Variants in SLC25A37 observed in about 807,000 individuals in gnomAD.
The protein encoded by SLC25A37 is solute carrier family 25 member 37.
Under a neutral mutation model 31.0 loss-of-function variants are expected in SLC25A37, and 17 were observed. The ratio of observed to expected loss-of-function variants is 0.55; its 90% CI spans 0.38 to 0.82. SLC25A37 has a LOEUF of 0.82. SLC25A37 is among the 40% of genes least tolerant of loss of function. The probability of loss-of-function intolerance (pLI) is 0.00; values close to 1 mark genes in which losing one functional copy is unlikely to be tolerated. For synonymous variants in SLC25A37, 222 were observed against 193.0 expected (o/e 1.15, Z -1.24); for missense variants, 404 against 465.8 (o/e 0.87, Z 1.22).
rs547210266 is a variant in SLC25A37 at position 23,529,558 on chromosome 8, A to G, written c.210+346A>G. ...GGACGCGATCGCTGAAGCTCTGCAC[A>G]GTCTTACCACGCTGGCCGTTCGGGC... On this transcript the variant is annotated intron_variant, in intron 1 of 3. Transcript: ENST00000519973. This position sits in a 1 kb window ranked among gnomAD's most constrained non-coding sequence, Gnocchi z 4.1. Among the ~76,000 whole-genome samples the G allele has an allele frequency of 6.1e-4, 93 of 152,182 alleles. No individual in the cohort carries two copies. The East Asian group carries it at 0.011, about 19-fold the overall frequency.
chr8:23,566,178 T>G lies in SLC25A37; in HGVS notation c.281T>G (p.Ile94Ser), dbSNP rs1368654148. The G allele has an allele frequency of 2.5e-6, 4 of 1,605,766 alleles. No homozygotes were observed. The highest frequency in any genetic ancestry group is 3.4e-6 in the Non-Finnish European group (4 of 1,177,082). Reference protein sequence around the residue: ...YTSIYGALKKIMRTEGFWRPL... With the variant: ...YTSIYGALKKSMRTEGFWRPL... ...AGTATCTACGGAGCCCTCAAGAAAA[T>G]CATGCGGACCGAAGGCTTCTGGAGG... is the stretch of plus-strand genomic sequence containing the variant. Residue 94 changes from isoleucine to serine, a missense_variant, in exon 2 of 4, where the codon ATC becomes AGC. By Grantham distance (142) the Ile-to-Ser change is moderately radical. Transcript: ENST00000519973.
intron 1 of SLC25A37, among the ~76,000 whole-genome samples, chr8:23,540,881 G>A (rs144542356): frequency 3.9e-5 from 6 of 152,300 alleles, no homozygotes; most frequent in South Asian, 2.1e-4. Flanking sequence ...AGGGAACACC[G>A]CTTTAAAAGT....
intron 1 of SLC25A37, among the ~76,000 whole-genome samples, chr8:23,559,130 T>C (rs1585195820): frequency 6.6e-6 from 1 of 152,358 alleles, no homozygotes; most frequent in East Asian, 1.9e-4. Context: ...GGAAGTGCCT[T>C]GGAAAACCAA....
intron 1 of SLC25A37, among the ~76,000 whole-genome samples, chr8:23,530,021 C>A (rs1182177371): frequency 6.6e-6 from 1 of 152,132 alleles, no homozygotes; most frequent in African/African-American, 2.4e-5. Flanking sequence ...AAAGAGGCAG[C>A]GTTACTAGGT....
In SLC25A37 at chr8:23,529,147, A is replaced by G. The variant is rs1199144033; in HGVS notation, c.145A>G (p.Met49Val). 6.2e-7 allele frequency: 1 copy of G among 1,611,676 alleles called. No homozygotes were observed. The highest frequency in any genetic ancestry group is 8.5e-7 in the Non-Finnish European group (1 of 1,179,268). Residue 49 changes from methionine to valine, a missense_variant, in exon 1 of 4, where the codon ATG (methionine) becomes GTG (valine). By Grantham distance (21) the Met-to-Val change is conservative (BLOSUM62 1). Coordinates refer to ENST00000519973, the MANE Select transcript of SLC25A37 (RefSeq NM_016612.4). The surrounding 1 kb of genome is among the most constrained non-coding windows in gnomAD (Gnocchi z 4.1). ...LPTSASVSTH[M>V]TAGAMAGILE... is the part of the protein sequence containing the mutation. ...GACTAGCGCCTCCGTGTCCACCCAC[A>G]TGACAGCAGGAGCGATGGCCGGGAT...
chr8:23,558,244 G>A (rs1453119517), intron 1 of SLC25A37, among the ~76,000 whole-genome samples: 1 of 152,240 alleles, frequency 6.6e-6, no homozygotes, highest in East Asian at 1.9e-4. Context: ...TGATGCTACA[G>A]ATGGCTGGCT....
rs1444432372 is a variant in SLC25A37 at position 23,574,017 on chromosome 8, A to G, written c.*2162A>G. 5.6e-6 allele frequency: 2 copies of G among 357,690 alleles called. No individual in the cohort carries two copies. Among genetic ancestry groups the G allele is most frequent in the African/African-American group, 4.3e-5 (2 of 46,948 alleles). The allele number at this position is 357,690 out of a possible 1,614,324, so 22.2% of individuals were successfully genotyped here. A position where few individuals can be genotyped will look rare whatever the true frequency, so the allele number is the denominator to read the frequency against. On this transcript the variant is annotated 3_prime_UTR_variant, in exon 4 of 4. Coordinates refer to ENST00000519973, the MANE Select transcript of SLC25A37 (RefSeq NM_016612.4). ...AATTTCAAAGTAGAATTTAAAGCAAATTTGTAAAAAAATTATCCTACCACC... is the reference window on the plus strand; with the variant it reads ...AATTTCAAAGTAGAATTTAAAGCAAGTTTGTAAAAAAATTATCCTACCACC...
In SLC25A37 at chr8:23,558,793, G is replaced by A. The variant is rs888367819; in HGVS notation, c.211-7315G>A. On this transcript the variant is annotated intron_variant, in intron 1 of 3. Coordinates refer to ENST00000519973, the MANE Select transcript of SLC25A37 (RefSeq NM_016612.4). ...AGACCCTTGTCTCTTGATTCCCCGG[G>A]CAGGACACGTTTCTCCATCCTGCAG... Among the ~76,000 whole-genome samples the A allele has an allele frequency of 3.9e-5, 6 of 152,290 alleles. No individual in the cohort carries two copies. The East Asian group carries it at 5.8e-4, about 15-fold the overall frequency.
chr8:23,559,605 C>T (rs1418877034), intron 1 of SLC25A37, among the ~76,000 whole-genome samples: 1 of 152,190 alleles, frequency 6.6e-6, no homozygotes, highest in Admixed American at 6.5e-5. Context: ...CTCTCCTCAT[C>T]TTGCAAAACT....
chr8:23,536,238 C>T (rs754246373), intron 1 of SLC25A37, among the ~76,000 whole-genome samples: 1 of 152,222 alleles, frequency 6.6e-6, no homozygotes, highest in Non-Finnish European at 1.5e-5. Context: ...CTTGACCTCA[C>T]ATGCACCCCC....
chr8:23,534,809 G>A (rs924919884), intron 1 of SLC25A37, among the ~76,000 whole-genome samples: 2 of 152,174 alleles, frequency 1.3e-5, no homozygotes, highest in African/African-American at 4.8e-5. Context: ...CCTGGTACAC[G>A]CACAGAACAG....
At chr8:23,549,802 A>G (rs67632614) in intron 1 of SLC25A37, among the ~76,000 whole-genome samples, 27,236 of 139,312 alleles carry the variant, frequency 0.2, 5,613 homozygotes, top group East Asian at 0.33. Flanking sequence ...TCTAAATTCC[A>G]GAGCCCAGCT....
chr8:23,548,576 T>C (rs1255013077), intron 1 of SLC25A37, among the ~76,000 whole-genome samples: 1 of 151,122 alleles, frequency 6.6e-6, no homozygotes, highest in Non-Finnish European at 1.5e-5. Flanking sequence ...GTTCAAGCGA[T>C]GCTACTGCCT....
rs1231779631 is a variant in SLC25A37, at chr8:23,571,415, G to A, written c.577G>A (p.Gly193Arg). The A allele has an allele frequency of 6.2e-7, 1 of 1,613,816 alleles. No homozygotes were observed. The highest frequency in any genetic ancestry group is 1.3e-5 in the African/African-American group (1 of 74,906). ...CATCCGGACGGTGTGGAGGACCGAG[G>A]GGTTGGGGGCCTTCTACCGGAGCTA... ...SCIRTVWRTE[G>R]LGAFYRSYTT... The change falls in exon 4 of 4, where the codon GGG becomes AGG. Residue 193 changes from glycine to arginine, a missense_variant. Physicochemically the swap from Gly to Arg is moderately radical, Grantham distance 125. Transcript: ENST00000519973.
At chr8:23,539,396 T>C (rs984453185) in intron 1 of SLC25A37, among the ~76,000 whole-genome samples, 1 of 152,214 alleles carries the variant, frequency 6.6e-6, no homozygotes, top group African/African-American at 2.4e-5. Flanking sequence ...TGGCTGTCAC[T>C]GGTGAAAGAG....
intron 1 of SLC25A37, among the ~76,000 whole-genome samples, chr8:23,558,598 G>A (rs778541375): frequency 6.6e-6 from 1 of 152,252 alleles, no homozygotes; most frequent in Non-Finnish European, 1.5e-5. Flanking sequence ...GGGAGAATTG[G>A]TGTCAGGGGC....
At chr8:23,557,630 AC>A (rs1410527581) in intron 1 of SLC25A37, among the ~76,000 whole-genome samples, 1 of 151,916 alleles carries the variant, frequency 6.6e-6, no homozygotes, top group Non-Finnish European at 1.5e-5. Flanking sequence ...TCCTCAGCAG[AC>A]CCCAGTGAAG....
chr8:23,536,267 CA>C (rs1384585509), intron 1 of SLC25A37, among the ~76,000 whole-genome samples: 3 of 152,158 alleles, frequency 2.0e-5, no homozygotes, highest in African/African-American at 7.2e-5. Context: ...TTCCCATAAA[CA>C]AACTGTTGCC....
chr8:23,568,492 G>A (rs1802728746), intron 3 of SLC25A37, 114 bp downstream of exon 3: 1 of 1,159,490 alleles, frequency 8.6e-7, no homozygotes. Context: ...CTAGTCTCCA[G>A]TCAGAGCAGA....
Sources: gnomAD v4.1 joint callset for allele counts (sites outside exome capture counted in the v4.1 genomes callset) on GRCh38, gnomAD v4.1.1 for gene constraint, Gnocchi (gnomAD v3.1) non-coding constraint, MANE v1.5 for transcripts, NCBI Gene and HGNC (gene_info 2026-07-23, HGNC 2026-07-21) for gene names.